SEC11C: variants seen among roughly 807,000 people sequenced by gnomAD.
SEC11C encodes signal peptidase complex catalytic subunit SEC11C.
In SEC11C, 10 loss-of-function variants were observed where a neutral mutation model predicts 21.9. The ratio of observed to expected loss-of-function variants is 0.46; its 90% CI spans 0.28 to 0.77. The LOEUF is 0.77. SEC11C is among the 30% of genes least tolerant of loss of function. The pLI, the probability that SEC11C is intolerant of heterozygous loss-of-function variation, is 0.12. For synonymous variants in SEC11C, 83 were observed against 85.6 expected (o/e 0.97, Z 0.17); for missense variants, 145 against 244.5 (o/e 0.59, Z 2.71).
chr18:59,141,200 G>A (rs562653827), intron 1 of SEC11C, among the ~76,000 whole-genome samples: 1 of 152,226 alleles, frequency 6.6e-6, no homozygotes, highest in East Asian at 1.9e-4. Context: ...GTGCAGTAGT[G>A]TGGGAAAGTT....
intron 2 of SEC11C, 71 bp downstream of exon 2, chr18:59,149,693 C>A: frequency 2.3e-6 from 2 of 855,130 alleles, no homozygotes; most frequent in South Asian, 1.9e-5. Context: ...AGGAGCGGGG[C>A]AGCCTTAAGT....
At chr18:59,151,974 T>C (rs1049203698) in intron 2 of SEC11C, among the ~76,000 whole-genome samples, 1 of 152,194 alleles carries the variant, frequency 6.6e-6, no homozygotes, top group Non-Finnish European at 1.5e-5. Context: ...TTTGTTAGAA[T>C]TGGGCTTTTG....
At chr18:59,153,252 T>C (rs2069380130) in intron 3 of SEC11C, 2 of 152,250 alleles carry the variant, frequency 1.3e-5, no homozygotes, top group South Asian at 2.1e-4. Flanking sequence ...GACTTACTTA[T>C]GAAGACCCTT....
chr18:59,143,091 G>A (rs1322345672), intron 1 of SEC11C, among the ~76,000 whole-genome samples: 3 of 152,070 alleles, frequency 2.0e-5, no homozygotes, highest in African/African-American at 7.2e-5. Context: ...AGTGGCTCAC[G>A]CTTGTAATCC....
intron 2 of SEC11C, among the ~76,000 whole-genome samples, chr18:59,150,713 A>G (rs1265653009): frequency 6.6e-6 from 1 of 152,204 alleles, no homozygotes; most frequent in Non-Finnish European, 1.5e-5. Flanking sequence ...ACTTCCTGGT[A>G]AGATTTCATG....
At chr18:59,145,269 C>A (rs1568064023) in intron 1 of SEC11C, among the ~76,000 whole-genome samples, 1 of 152,210 alleles carries the variant, frequency 6.6e-6, no homozygotes, top group Non-Finnish European at 1.5e-5. Flanking sequence ...TTGTCTATGG[C>A]TGCTTTCCCG....
At chr18:59,157,343 C>G in intron 4 of SEC11C, 1 of 332,602 alleles carries the variant, frequency 3.0e-6, no homozygotes, top group Non-Finnish European at 5.4e-6. Context: ...AGCGGCTTAA[C>G]TATTTTAATT....
chr18:59,139,985 G>A lies in SEC11C; in HGVS notation c.37G>A (p.Ala13Thr), dbSNP rs763955275. ...GGGCGCCGTGGGGGCTCATCTCCCC[G>A]CGTCCGGCTTGGATATCTTCGGGGA... is the stretch of plus-strand genomic sequence containing the variant. ...RAGAVGAHLP[A>T]SGLDIFGDLK... The change falls in exon 1 of 6, where the codon GCG becomes ACG. Residue 13 changes from alanine to threonine, a missense_variant. Transcript: ENST00000587834. The A allele has an allele frequency of 2.5e-6, 4 of 1,594,498 alleles. No homozygotes were observed. The highest frequency in any genetic ancestry group is 3.4e-6 in the Non-Finnish European group (4 of 1,168,904).
chr18:59,143,437 C>T (rs768618239), intron 1 of SEC11C, among the ~76,000 whole-genome samples: 1 of 151,076 alleles, frequency 6.6e-6, no homozygotes, highest in African/African-American at 2.4e-5. Context: ...CACCAAAATA[C>T]ATTAACAATT....
At chr18:59,143,326 T>C (rs12966866) in intron 1 of SEC11C, among the ~76,000 whole-genome samples, 147,535 of 147,556 alleles carry the variant, frequency 1, 73,758 homozygotes, top group Middle Eastern at 1. Flanking sequence ...GCACTCCAGT[T>C]TGGGCAACAG....
intron 1 of SEC11C, among the ~76,000 whole-genome samples, chr18:59,148,817 C>A (rs1435577180): frequency 2.0e-5 from 3 of 152,236 alleles, no homozygotes; most frequent in African/African-American, 7.2e-5. Context: ...CGGGGTTTCA[C>A]CGGTAGCCAG....
chr18:59,152,969 T>C (rs1207935141), intron 3 of SEC11C: 1 of 205,518 alleles, frequency 4.9e-6, no homozygotes, highest in Non-Finnish European at 9.7e-6. Context: ...TATTATGACA[T>C]GTTAGTTATT....
intron 1 of SEC11C, among the ~76,000 whole-genome samples, chr18:59,142,246 TGGCTTGCTC>T (rs1327076737): frequency 6.6e-6 from 1 of 152,230 alleles, no homozygotes; most frequent in African/African-American, 2.4e-5. Context: ...AGCAGGTAGA[TGGCTTGCTC>T]AAAGGAAGTT....
rs2069410927 is a variant in SEC11C, at chr18:59,155,734, GTT to G, written c.395_396del (p.Val132GlyfsTer2). 6.2e-7 allele frequency: 1 copy of G among 1,613,802 alleles called. No homozygotes were observed. On this transcript the variant is annotated frameshift_variant, in exon 4 of 6. Coordinates refer to ENST00000587834, the MANE Select transcript of SEC11C (RefSeq NM_033280.4). LOFTEE classifies it high-confidence loss of function. The part of the protein sequence containing the change: ...KFLTKGDNNE[V>X]DDRGLYKEGQ... ...TCTGACTAAAGGAGATAATAATGAA[GTT>G]GATGATAGAGGCTTGTACAAAGAAG...
intron 4 of SEC11C, chr18:59,156,196 A>G (rs2069415989): frequency 6.4e-6 from 1 of 157,472 alleles, no homozygotes; most frequent in Admixed American, 6.4e-5. Context: ...AATTTGTTCT[A>G]AAAAAAGAAG....
intron 2 of SEC11C, among the ~76,000 whole-genome samples, chr18:59,151,008 T>G (rs563820425): frequency 6.6e-4 from 101 of 152,306 alleles, no homozygotes; most frequent in African/African-American, 2.4e-3. Flanking sequence ...GCAATTTGGT[T>G]TGTCAACATA....
At chr18:59,157,965 C>T (rs1402218853) in intron 5 of SEC11C, among the ~76,000 whole-genome samples, 1 of 152,134 alleles carries the variant, frequency 6.6e-6, no homozygotes, top group Non-Finnish European at 1.5e-5. Flanking sequence ...ATGCTTACCT[C>T]TCAACTTCAA....
chr18:59,154,782 G>A (rs1243285789), intron 3 of SEC11C, among the ~76,000 whole-genome samples: 3 of 152,118 alleles, frequency 2.0e-5, no homozygotes, highest in Admixed American at 6.6e-5. Flanking sequence ...ATTGGTCTAT[G>A]AGGCTGGGCG....
chr18:59,152,245 T>TTTTTTTTTTTTTTTTTTGTTTG (rs1429675929), intron 2 of SEC11C, among the ~76,000 whole-genome samples: 1 of 151,790 alleles, frequency 6.6e-6, no homozygotes, highest in African/African-American at 2.4e-5. Context: ...GGACTTTTTT[T>TTTTTTTTTTTTTTTTTTGTTTG]AAAGCTAAAA....
Sources: gnomAD v4.1 joint callset for allele counts (sites outside exome capture counted in the v4.1 genomes callset) on GRCh38, gnomAD v4.1.1 for gene constraint, MANE v1.5 for transcripts, NCBI Gene and HGNC (gene_info 2026-07-23, HGNC 2026-07-21) for gene names.